The following MBTD1 variants were observed in gnomAD, a reference collection of about 807,000 sequenced individuals.
MBTD1 encodes mbt domain containing 1, also known as MBT domain-containing protein 1.
Under a neutral mutation model 87.8 loss-of-function variants are expected in MBTD1, and 24 were observed. The observed-to-expected ratio is 0.27, with a 90% CI of 0.20 to 0.38. The LOEUF (loss-of-function observed/expected upper bound fraction) is 0.38, where lower values mean the gene tolerates loss of function less well. MBTD1 is among the 10% of genes least tolerant of loss of function. The pLI is 1.00. For missense variants in MBTD1, 436 were observed against 760.2 expected (o/e 0.57, Z 5.02); for synonymous variants, 237 against 248.6 (o/e 0.95, Z 0.44).
intron 3 of MBTD1, among the ~76,000 whole-genome samples, chr17:51,222,777 T>C (rs1172724776): frequency 6.6e-6 from 1 of 151,918 alleles, no homozygotes; most frequent in Non-Finnish European, 1.5e-5. Flanking sequence ...ATGGTCTGCA[T>C]GACTCTCTAT....
intron 16 of MBTD1, among the ~76,000 whole-genome samples, chr17:51,181,384 A>G (rs2050306747): frequency 1.3e-5 from 2 of 152,198 alleles, no homozygotes; most frequent in Non-Finnish European, 2.9e-5. Context: ...CTGATGTTAA[A>G]TAAAAACATT....
chr17:51,235,169 T>C (rs1218171066), intron 2 of MBTD1, among the ~76,000 whole-genome samples: 1 of 151,978 alleles, frequency 6.6e-6, no homozygotes, highest in Non-Finnish European at 1.5e-5. Flanking sequence ...AGAGTCTCAC[T>C]GTGTTGTCCA....
chr17:51,259,309 AAAC>A, intron 1 of MBTD1, 103 bp from the exon 2 acceptor site: 1 of 1,209,400 alleles, frequency 8.3e-7, no homozygotes, highest in Non-Finnish European at 1.0e-6. Context: ...GCTGCTTCCC[AAAC>A]ACCACTCCCA....
At chr17:51,247,400 AT>A (rs1294334204) in intron 2 of MBTD1, among the ~76,000 whole-genome samples, 2 of 144,732 alleles carry the variant, frequency 1.4e-5, no homozygotes, top group Non-Finnish European at 3.0e-5. Flanking sequence ...TGTAATTTTC[AT>A]TTTTTGAGCT....
In MBTD1 at chr17:51,193,480, T is replaced by C. The variant is rs770568117; in HGVS notation, c.1403A>G (p.Asp468Gly). Reference protein sequence around the residue: ...GYTKLPFKWFDYLRETGSIAA... With the variant: ...GYTKLPFKWFGYLRETGSIAA... ...AATGGAGCCAGTTTCCCTGAGGTAGTCAAACCATTTAAAAGGAAGTTTTGT... is the reference window on the plus strand; with the variant it reads ...AATGGAGCCAGTTTCCCTGAGGTAGCCAAACCATTTAAAAGGAAGTTTTGT... The change falls in exon 14 of 17, where the codon GAC becomes GGC. Residue 468 changes from aspartate to glycine, a missense_variant. Coordinates refer to ENST00000586178, the MANE Select transcript of MBTD1 (RefSeq NM_017643.3). 1.2e-6 allele frequency: 2 copies of C among 1,612,494 alleles called. No homozygotes were observed.
chr17:51,194,885 GT>G (rs757434197), intron 13 of MBTD1, among the ~76,000 whole-genome samples: 14 of 151,938 alleles, frequency 9.2e-5, no homozygotes, highest in Non-Finnish European at 1.9e-4. Flanking sequence ...GCAAGACCCT[GT>G]CTTTATTGGG....
intron 7 of MBTD1, among the ~76,000 whole-genome samples, chr17:51,205,206 A>G (rs936427776): frequency 1.3e-5 from 2 of 152,208 alleles, no homozygotes; most frequent in African/African-American, 4.8e-5. Flanking sequence ...TTAAATGTTC[A>G]GTTTTAAAAT....
chr17:51,242,808 T>C (rs1272656494), intron 2 of MBTD1, among the ~76,000 whole-genome samples: 1 of 152,216 alleles, frequency 6.6e-6, no homozygotes, highest in African/African-American at 2.4e-5. Context: ...GCTATATATA[T>C]GTTTTCTTAT....
intron 2 of MBTD1, among the ~76,000 whole-genome samples, chr17:51,241,810 C>A (rs566425515): frequency 1.3e-3 from 204 of 152,312 alleles, no homozygotes; most frequent in African/African-American, 4.6e-3. Context: ...AACTGATCTG[C>A]CCGCCTTGGC....
intron 2 of MBTD1, among the ~76,000 whole-genome samples, chr17:51,228,067 A>G (rs2053332305): frequency 6.6e-6 from 1 of 152,184 alleles, no homozygotes. Flanking sequence ...TTAAAAAAAC[A>G]TAAACAATGG....
intron 2 of MBTD1, among the ~76,000 whole-genome samples, chr17:51,238,576 G>T (rs2053984503): frequency 6.6e-6 from 1 of 152,168 alleles, no homozygotes; most frequent in South Asian, 2.1e-4. Context: ...GGCTCTGGAA[G>T]GATTCTAGGA....
At chr17:51,244,636 G>A (rs866862368) in intron 2 of MBTD1, among the ~76,000 whole-genome samples, 5 of 152,106 alleles carry the variant, frequency 3.3e-5, no homozygotes, top group South Asian at 2.1e-4. Context: ...TCGAACTCCT[G>A]GCCTCAAGTG....
At chr17:51,192,649 AT>A in intron 15 of MBTD1, 132 bp downstream of exon 15, 1 of 1,495,026 alleles carries the variant, frequency 6.7e-7, no homozygotes, top group Non-Finnish European at 8.9e-7. Flanking sequence ...TTGAGTCTTA[AT>A]GTCTTACCTG....
intron 5 of MBTD1, among the ~76,000 whole-genome samples, chr17:51,218,595 ACTC>A (rs1325906134): frequency 6.7e-6 from 1 of 150,230 alleles, no homozygotes; most frequent in Non-Finnish European, 1.5e-5. Flanking sequence ...TCCTCTTACT[ACTC>A]TTCTTCCCTC....
chr17:51,202,657 C>T (rs374231315), intron 10 of MBTD1, 44 bp downstream of exon 10: 1 of 1,400,130 alleles, frequency 7.1e-7, no homozygotes, highest in Non-Finnish European at 1.0e-6. Flanking sequence ...GTATAATCAG[C>T]CTCAATGATG....
intron 16 of MBTD1, among the ~76,000 whole-genome samples, chr17:51,182,114 G>A (rs1184586666): frequency 7.0e-6 from 1 of 143,866 alleles, no homozygotes; most frequent in Non-Finnish European, 1.5e-5. Flanking sequence ...ACTCCTGCCT[G>A]GGCCCTGTGC....
intron 2 of MBTD1, among the ~76,000 whole-genome samples, chr17:51,235,980 C>T (rs1418176374): frequency 6.6e-6 from 1 of 151,954 alleles, no homozygotes; most frequent in African/African-American, 2.4e-5. Context: ...AATAAGAGTC[C>T]ATAAATAGAC....
intron 9 of MBTD1, 75 bp downstream of exon 9, chr17:51,203,065 C>T (rs2143122641): frequency 1.5e-6 from 2 of 1,331,008 alleles, no homozygotes; most frequent in African/African-American, 1.5e-5. Flanking sequence ...CAAAATTAAA[C>T]CAATTCCTTA....
rs2050160814 is a variant in MBTD1 at position 51,177,933 on chromosome 17, C to T, written c.*2643G>A. On this transcript the variant is annotated 3_prime_UTR_variant, in exon 17 of 17. Transcript: ENST00000586178. ...AAATATTGATGGGAGAGGGTATTCA[C>T]ATCACGCAAAATTAATAATAATAAT... The T allele has an allele frequency of 6.6e-6, 1 of 151,574 alleles. No individual in the cohort carries two copies. Among genetic ancestry groups the T allele is most frequent in the African/African-American group, 2.4e-5 (1 of 41,340 alleles). 9.4% of individuals were successfully genotyped at this position (151,574 alleles called of 1,614,324 possible).
Sources: gnomAD v4.1 joint callset for allele counts (sites outside exome capture counted in the v4.1 genomes callset) on GRCh38, gnomAD v4.1.1 for gene constraint, MANE v1.5 for transcripts, NCBI Gene and HGNC (gene_info 2026-07-23, HGNC 2026-07-21) for gene names.